NOTCH4: variants seen among roughly 807,000 people sequenced by gnomAD.
The protein encoded by NOTCH4 is neurogenic locus notch homolog protein 4.
In NOTCH4, 138 loss-of-function variants were observed where a neutral mutation model predicts 189.0. That is an observed-to-expected ratio of 0.73 (90% confidence interval 0.64 to 0.84). The LOEUF is 0.84. Among genes scored for constraint, NOTCH4 ranks in the 40% least tolerant of loss-of-function variants. The pLI is 0.00. For synonymous variants in NOTCH4, 942 were observed against 1,032.8 expected, an observed-to-expected ratio of 0.91 and a Z score of 1.69; for missense variants, 2,286 against 2,605.4, an observed-to-expected ratio of 0.88 and a Z score of 2.67.
intron 3 of NOTCH4, among the ~76,000 whole-genome samples, 158 bp downstream of exon 3, chr6:32,222,353 T>C (rs932174234): frequency 2.0e-5 from 3 of 152,228 alleles, no homozygotes; most frequent in African/African-American, 4.8e-5. Context: ...GAATGTTGGT[T>C]GTGGGTAAGT....
At chr6:32,211,289 G>A (rs1421002905) in intron 17 of NOTCH4, among the ~76,000 whole-genome samples, 1 of 126,106 alleles carries the variant, frequency 7.9e-6, no homozygotes, top group Non-Finnish European at 1.8e-5. Flanking sequence ...CAAACAAACA[G>A]AAACGGTAAA....
rs371947657 is a variant in NOTCH4, at chr6:32,222,747, T to C, written c.215A>G (p.Gln72Arg). 1.1e-5 allele frequency: 17 copies of C among 1,612,420 alleles called. No homozygotes were observed. The highest frequency in any genetic ancestry group is 1.3e-5 in the Non-Finnish European group (15 of 1,179,370). The change falls in exon 3 of 30, where the codon CAG becomes CGG. Residue 72 changes from glutamine to arginine, a missense_variant. By Grantham distance (43) the Gln-to-Arg change is conservative (BLOSUM62 1). Around this residue, in one of 2 missense-constraint regions of NOTCH4, gnomAD observed 1,903 missense variants for 2,261.9 expected, o/e 0.84. Coordinates refer to ENST00000375023, the MANE Select transcript of NOTCH4 (RefSeq NM_004557.4). Reference sequence around the variant, plus strand: ...GCAGCTGCCTCCATTTTGGCAGAGCTGGGCGTTCTGGCAGGGGTCAGGAAA... The same window carrying C: ...GCAGCTGCCTCCATTTTGGCAGAGCCGGGCGTTCTGGCAGGGGTCAGGAAA... The part of the protein sequence containing the change: ...CQFPDPCQNA[Q>R]LCQNGGSCQA...
At chr6:32,214,362 C>CT in intron 12 of NOTCH4, 107 bp from the exon 13 acceptor site, 1 of 1,272,568 alleles carries the variant, frequency 7.9e-7, no homozygotes, top group Non-Finnish European at 1.1e-6. Flanking sequence ...CCCTGAGATT[C>CT]TGGCCTCTTT....
At position 32,198,095 on chromosome 6, in the gene NOTCH4, A is replaced by G. The variant is rs1788072975; in HGVS notation, c.4756+326T>C. 6.6e-6 allele frequency among the ~76,000 whole-genome samples: 1 copy of G among 152,232 alleles called. No homozygotes were observed. The highest frequency in any genetic ancestry group is 1.5e-5 in the Non-Finnish European group (1 of 68,044). On this transcript the variant is annotated intron_variant, in intron 26 of 29. Coordinates refer to ENST00000375023, the MANE Select transcript of NOTCH4 (RefSeq NM_004557.4). The surrounding 1 kb of genome is among the most constrained non-coding windows in gnomAD (Gnocchi z 5.5). ...CTTGGCCTCCCAAAGTGCTGGGATT[A>G]CAGGCGTGAGCCACCACGCCCGGCC...
chr6:32,220,662 G>A (rs748373193), intron 5 of NOTCH4, 21 bp from the exon 6 acceptor site: 73 of 1,612,610 alleles, frequency 4.5e-5, no homozygotes, highest in Non-Finnish European at 5.9e-5. Flanking sequence ...TTGGGGAGGG[G>A]ACGAGGGCTA....
At chr6:32,215,525 A>G (rs1321653854) in intron 11 of NOTCH4, 140 bp from the exon 12 acceptor site, 6 of 739,848 alleles carry the variant, frequency 8.1e-6, no homozygotes, top group African/African-American at 5.3e-5. Flanking sequence ...CTGTCCTTCA[A>G]TGGGTCCCTA....
In NOTCH4 at chr6:32,212,682, A is replaced by G; in HGVS notation, c.2527-55T>C. Reference sequence around the variant, plus strand: ...ACATAGCATCAGATTCTCAGCCCAGAGATGGTCCTCTGCCCACTCCAGCTC... The same window carrying G: ...ACATAGCATCAGATTCTCAGCCCAGGGATGGTCCTCTGCCCACTCCAGCTC... On this transcript the variant is annotated intron_variant, in intron 16 of 29. Transcript: ENST00000375023. The surrounding 1 kb of genome is among the most constrained non-coding windows in gnomAD (Gnocchi z 4.4). The G allele has an allele frequency of 1.3e-6, 2 of 1,566,240 alleles. No homozygotes were observed. Among genetic ancestry groups the G allele is most frequent in the East Asian group, 2.2e-5 (1 of 44,512 alleles).
At chr6:32,203,575 C>T (rs1196360857) in intron 20 of NOTCH4, 195 bp downstream of exon 20, 3 of 544,270 alleles carry the variant, frequency 5.5e-6, no homozygotes, top group Non-Finnish European at 9.6e-6. Context: ...TTGAAAATTC[C>T]ATTCATGCTA....
At chr6:32,206,105 A>G (rs899529226) in intron 18 of NOTCH4, among the ~76,000 whole-genome samples, 2 of 152,080 alleles carry the variant, frequency 1.3e-5, no homozygotes, top group East Asian at 3.9e-4. Context: ...CACAGCTAAC[A>G]TCATATTGAA....
rs1789786528 is a variant in NOTCH4, at chr6:32,221,631, A to C, written c.452-306T>G. Among the ~76,000 whole-genome samples, 1 of 152,182 alleles carries C rather than the reference A, an allele frequency of 6.6e-6. No individual in the cohort carries two copies. Among genetic ancestry groups the C allele is most frequent in the Non-Finnish European group, 1.5e-5 (1 of 68,020 alleles). On this transcript the variant is annotated intron_variant, in intron 3 of 29. Coordinates refer to ENST00000375023, the MANE Select transcript of NOTCH4 (RefSeq NM_004557.4). The surrounding 1 kb of genome is among the most constrained non-coding windows in gnomAD (Gnocchi z 4.3). ...TGAAAAGCACCCCACGTCTGCAGGCAGGAGACTCAGGTGGCACCATGCTGT... is the reference window on the plus strand; with the variant it reads ...TGAAAAGCACCCCACGTCTGCAGGCCGGAGACTCAGGTGGCACCATGCTGT...
At chr6:32,220,375 C>G in intron 6 of NOTCH4, 30 bp downstream of exon 6, 1 of 1,612,860 alleles carries the variant, frequency 6.2e-7, no homozygotes, top group Non-Finnish European at 8.5e-7. Flanking sequence ...TTCTCTACCT[C>G]CCACCTCCTG....
rs1789464539 is a variant in NOTCH4 at position 32,217,188 on chromosome 6, T to C, written c.1703A>G (p.Asp568Gly). 1 of 1,612,900 alleles carries C rather than the reference T, an allele frequency of 6.2e-7. No individual in the cohort carries two copies. Among genetic ancestry groups the C allele is most frequent in the Admixed American group, 1.7e-5 (1 of 60,002 alleles). Residue 568 changes from aspartate to glycine, a missense_variant, in exon 10 of 30, where the codon GAC becomes GGC. Coordinates refer to ENST00000375023, the MANE Select transcript of NOTCH4 (RefSeq NM_004557.4). This position sits in a 1 kb window ranked among gnomAD's most constrained non-coding sequence, Gnocchi z 4.2. The part of the protein sequence containing the change: ...SPCANGGQCQ[D>G]QPGAFHCKCL... Reference sequence around the variant, plus strand: ...CTTGCAGTGGAAGGCTCCAGGCTGGTCCTGGCACTGCCCACCATTGGCACA... The same window carrying C: ...CTTGCAGTGGAAGGCTCCAGGCTGGCCCTGGCACTGCCCACCATTGGCACA...
At position 32,222,786 on chromosome 6, in the gene NOTCH4, C is replaced by T. The variant is rs2127491303; in HGVS notation, c.176G>A (p.Gly59Asp). The change falls in exon 3 of 30, where the codon GGT (glycine) becomes GAT (aspartate). Residue 59 changes from glycine (G) to aspartate (D), a missense_variant. Gly to Asp is a moderately conservative substitution (Grantham distance 94). Around this residue, in one of 2 missense-constraint regions of NOTCH4, gnomAD observed 1,903 missense variants for 2,261.9 expected, o/e 0.84. Coordinates refer to ENST00000375023, the MANE Select transcript of NOTCH4 (RefSeq NM_004557.4). Reference sequence around the variant, plus strand: ...GGGGTCAGGAAACTGGCACGTCTCACCCAGGAAGCCAGGGGCACACCTGGG... The same window carrying T: ...GGGGTCAGGAAACTGGCACGTCTCATCCAGGAAGCCAGGGGCACACCTGGG... ...GTCQCAPGFL[G>D]ETCQFPDPCQ... 1 of 1,610,246 alleles carries T rather than the reference C, an allele frequency of 6.2e-7. No homozygotes were observed. Among genetic ancestry groups the T allele is most frequent in the Non-Finnish European group, 8.5e-7 (1 of 1,178,788 alleles).
Position 32,195,812 on chromosome 6 carries a change from A to G in NOTCH4, c.5637T>C (p.Ala1879=). ...CAGCCAAGTCTACGGACCAAGTCCG[A>G]GCCTGCAGACAAGCTCCGCCCCCAC... ...GPRGGGACLQ[A]RTWSVDLAAR... is the part of the protein sequence containing the mutation. Residue 1879 remains alanine, a synonymous_variant, in exon 30 of 30, where the codon GCT becomes GCC. Transcript: ENST00000375023. The surrounding 1 kb of genome is among the most constrained non-coding windows in gnomAD (Gnocchi z 5.4). 6.2e-7 allele frequency: 1 copy of G among 1,601,870 alleles called. No individual in the cohort carries two copies. Among genetic ancestry groups the G allele is most frequent in the East Asian group, 2.2e-5 (1 of 44,814 alleles).
At position 32,199,095 on chromosome 6, in the gene NOTCH4, C is replaced by T. The variant is rs770780305; in HGVS notation, c.4366G>A (p.Gly1456Arg). The part of the protein sequence containing the change: ...PWPVLCSPVA[G>R]VILLALGALL... ...GCCCCTAGGGCCAGGAGAATCACCC[C>T]GGCCACTGGGGAGCACAGCACAGGC... is the stretch of plus-strand genomic sequence containing the variant. Residue 1456 changes from glycine (G) to arginine (R), a missense_variant, in exon 24 of 30, where the codon GGG (glycine) becomes AGG (arginine). Coordinates refer to ENST00000375023, the MANE Select transcript of NOTCH4 (RefSeq NM_004557.4). This position sits in a 1 kb window ranked among gnomAD's most constrained non-coding sequence, Gnocchi z 4.9. 33 of 1,612,036 alleles carry T rather than the reference C, an allele frequency of 2.0e-5. No individual in the cohort carries two copies. The highest frequency in any genetic ancestry group is 2.7e-5 in the African/African-American group (2 of 74,924).
At position 32,195,135 on chromosome 6, in the gene NOTCH4, T is replaced by C. The variant is rs1787769794; in HGVS notation, c.*302A>G. On this transcript the variant is annotated 3_prime_UTR_variant, in exon 30 of 30. Transcript: ENST00000375023. This position sits in a 1 kb window ranked among gnomAD's most constrained non-coding sequence, Gnocchi z 5.4. ...ATAGGAAAGAACATCTTACATCCCA[T>C]ATGCCTGCAATTCTTGGTTCCAACT... is the stretch of plus-strand genomic sequence containing the variant. 2.3e-6 allele frequency: 1 copy of C among 437,232 alleles called. No individual in the cohort carries two copies. The highest frequency in any genetic ancestry group is 4.1e-6 in the Non-Finnish European group (1 of 246,234). The allele number at this position is 437,232 out of a possible 1,614,324, so 27.1% of individuals were successfully genotyped here. A position where few individuals can be genotyped will look rare whatever the true frequency, so the allele number is the denominator to read the frequency against.
In NOTCH4 at chr6:32,202,453, C is replaced by T; in HGVS notation, c.3378G>A (p.Leu1126=). 1 of 1,612,280 alleles carries T rather than the reference C, an allele frequency of 6.2e-7. No individual in the cohort carries two copies. Among genetic ancestry groups the T allele is most frequent in the Non-Finnish European group, 8.5e-7 (1 of 1,179,740 alleles). ...CLSGYGGPDC[L]TPPAPKGCGP... is the part of the protein sequence containing the mutation. ...CACAGCCTTTAGGAGCTGGTGGGGT[C>T]AGGCAGTCAGGACCCCCATAGCCAC... Residue 1126 remains leucine, a synonymous_variant, in exon 21 of 30, where the codon CTG becomes CTA. Coordinates refer to ENST00000375023, the MANE Select transcript of NOTCH4 (RefSeq NM_004557.4). This position sits in a 1 kb window ranked among gnomAD's most constrained non-coding sequence, Gnocchi z 5.7.
rs1788155356 is a variant in NOTCH4 at position 32,198,963 on chromosome 6, G to A, written c.4498C>T (p.Arg1500Cys). Residue 1500 changes from arginine to cysteine, a missense_variant, in exon 24 of 30, where the codon CGC (arginine) becomes TGC (cysteine). This residue lies in a region of NOTCH4 where 1,903 missense variants were observed against 2,261.9 expected (regional missense o/e 0.84). Transcript: ENST00000375023. This position sits in a 1 kb window ranked among gnomAD's most constrained non-coding sequence, Gnocchi z 5.5. ...CTGTCCTCGCCTAGTGGGGGCCGGCGTCGGTGGGGAGCTGACTGAGTCCGA... is the reference window on the plus strand; with the variant it reads ...CTGTCCTCGCCTAGTGGGGGCCGGCATCGGTGGGGAGCTGACTGAGTCCGA... ...RPRTQSAPHR[R>C]RPPLGEDSIG... 5 of 1,601,550 alleles carry A rather than the reference G, an allele frequency of 3.1e-6. No homozygotes were observed. Among genetic ancestry groups the A allele is most frequent in the Non-Finnish European group, 4.3e-6 (5 of 1,173,372 alleles).
intron 18 of NOTCH4, among the ~76,000 whole-genome samples, chr6:32,208,274 C>T (rs749593487): frequency 6.6e-6 from 1 of 152,016 alleles, no homozygotes; most frequent in Admixed American, 6.6e-5. Flanking sequence ...CCACCACTAC[C>T]ACCACCGACA....
Sources: allele counts gnomAD v4.1 joint callset (sites outside exome capture counted in the v4.1 genomes callset), GRCh38; gene constraint gnomAD v4.1.1; regional missense constraint gnomAD v4.1.1; non-coding constraint Gnocchi (gnomAD v3.1); transcripts MANE v1.5; gene names NCBI Gene and HGNC (gene_info 2026-07-23, HGNC 2026-07-21).